COL19A1: variants seen among roughly 807,000 people sequenced by gnomAD.
COL19A1 encodes collagen type XIX alpha 1 chain, also known as collagen alpha-1(XIX) chain.
Under a neutral mutation model 190.2 loss-of-function variants are expected in COL19A1, and 159 were observed. The ratio of observed to expected loss-of-function variants is 0.84; its 90% CI spans 0.73 to 0.95. The LOEUF is 0.95. COL19A1 is among the 40% of genes least tolerant of loss of function. The pLI is 0.00. For missense variants in COL19A1, 1,418 were observed against 1,431.9 expected (o/e 0.99, Z 0.16); for synonymous variants, 509 against 458.9 (o/e 1.11, Z -1.39).
At chr6:70,103,937 G>A (rs1783794540) in intron 16 of COL19A1, among the ~76,000 whole-genome samples, 1 of 151,970 alleles carries the variant, frequency 6.6e-6, no homozygotes, top group Admixed American at 6.6e-5. Flanking sequence ...TTTTGTAGAC[G>A]AAAAAATTAA....
At chr6:70,190,718 C>T (rs1766810795) in intron 48 of COL19A1, among the ~76,000 whole-genome samples, 1 of 152,172 alleles carries the variant, frequency 6.6e-6, no homozygotes, top group African/African-American at 2.4e-5. Flanking sequence ...TCTAGCTCCT[C>T]CACTATTATC....
chr6:69,963,832 A>G (rs1159914884), intron 11 of COL19A1, among the ~76,000 whole-genome samples: 1 of 152,234 alleles, frequency 6.6e-6, no homozygotes, highest in African/African-American at 2.4e-5. Context: ...ACTGAAAGTC[A>G]TTTGATAGTG....
intron 11 of COL19A1, among the ~76,000 whole-genome samples, chr6:70,006,697 T>C (rs1368323923): frequency 1.3e-5 from 2 of 152,160 alleles, no homozygotes; most frequent in Non-Finnish European, 2.9e-5. Context: ...TGACTATATT[T>C]GTATTTTTCT....
At chr6:70,097,171 A>G (rs1783326863) in intron 15 of COL19A1, among the ~76,000 whole-genome samples, 1 of 152,150 alleles carries the variant, frequency 6.6e-6, no homozygotes, top group Non-Finnish European at 1.5e-5. Context: ...AATTTAAGAT[A>G]AATGTTCTCT....
At chr6:70,125,046 GTT>G (rs1785109884) in intron 17 of COL19A1, among the ~76,000 whole-genome samples, 1 of 152,134 alleles carries the variant, frequency 6.6e-6, no homozygotes, top group Non-Finnish European at 1.5e-5. Flanking sequence ...CACGATGCAT[GTT>G]TTCCATTGGC....
chr6:70,040,616 C>G (rs955143213), intron 14 of COL19A1, among the ~76,000 whole-genome samples: 1 of 152,020 alleles, frequency 6.6e-6, no homozygotes. Context: ...CCTTTGATAA[C>G]GTTTGAATCC....
chr6:70,200,286 C>A (rs1583155505), intron 49 of COL19A1, among the ~76,000 whole-genome samples: 2 of 152,148 alleles, frequency 1.3e-5, no homozygotes, highest in African/African-American at 4.8e-5. Flanking sequence ...GTTCTTAAAA[C>A]CCAACTTATA....
intron 11 of COL19A1, among the ~76,000 whole-genome samples, chr6:69,964,571 T>C (rs1454672519): frequency 1.2e-4 from 19 of 152,200 alleles, no homozygotes; most frequent in Non-Finnish European, 4.4e-5. Context: ...CAATAATAAA[T>C]AGATTCTCAC....
At chr6:70,129,582 C>T (rs951457043) in intron 17 of COL19A1, among the ~76,000 whole-genome samples, 2 of 152,196 alleles carry the variant, frequency 1.3e-5, no homozygotes, top group African/African-American at 2.4e-5. Flanking sequence ...CTGGCGCAGT[C>T]GCTCATGCCT....
At chr6:70,206,599 C>A (rs973668479) in intron 49 of COL19A1, among the ~76,000 whole-genome samples, 1 of 139,576 alleles carries the variant, frequency 7.2e-6, no homozygotes, top group Non-Finnish European at 1.5e-5. Context: ...AGTGCCACTG[C>A]ACTCCAGCCT....
At chr6:70,037,281 GA>G (rs1233340419) in intron 14 of COL19A1, among the ~76,000 whole-genome samples, 3 of 151,946 alleles carry the variant, frequency 2.0e-5, no homozygotes, top group African/African-American at 7.3e-5. Context: ...TCAGCCTCCT[GA>G]GTAGCTGGGA....
intron 14 of COL19A1, among the ~76,000 whole-genome samples, chr6:70,036,205 C>T (rs759973804): frequency 6.6e-6 from 1 of 152,178 alleles, no homozygotes; most frequent in Non-Finnish European, 1.5e-5. Context: ...CCATATGGCT[C>T]ATAATTTTGT....
At chr6:69,902,307 T>C (rs1770242193) in intron 4 of COL19A1, among the ~76,000 whole-genome samples, 1 of 152,242 alleles carries the variant, frequency 6.6e-6, no homozygotes, top group Non-Finnish European at 1.5e-5. Flanking sequence ...GATTCTATTT[T>C]ATATGGAAAA....
intron 34 of COL19A1, among the ~76,000 whole-genome samples, chr6:70,157,768 A>G (rs1787532036): frequency 6.6e-6 from 1 of 152,156 alleles, no homozygotes; most frequent in Admixed American, 6.6e-5. Flanking sequence ...GTACAAGCAC[A>G]ATAACTGATT....
intron 1 of COL19A1, among the ~76,000 whole-genome samples, chr6:69,872,200 A>C (rs896676883): frequency 6.6e-6 from 1 of 152,054 alleles, no homozygotes; most frequent in East Asian, 1.9e-4. Context: ...CTCAAAGAAA[A>C]CATGATGTTT....
intron 9 of COL19A1, among the ~76,000 whole-genome samples, chr6:69,948,581 A>G (rs942510153): frequency 1.1e-4 from 16 of 151,898 alleles, no homozygotes; most frequent in African/African-American, 3.6e-4. Context: ...ATCCAGGGCC[A>G]TGATAGTAAG....
chr6:69,866,680 T>A (rs1215281310), intron 1 of COL19A1, 40 bp downstream of exon 1: 8 of 152,294 alleles, frequency 5.3e-5, no homozygotes, highest in Non-Finnish European at 1.0e-4. Flanking sequence ...GCACTTGCCC[T>A]CTCACACATG....
At chr6:69,899,632 C>G (rs1250696608) in intron 3 of COL19A1, among the ~76,000 whole-genome samples, 1 of 152,110 alleles carries the variant, frequency 6.6e-6, no homozygotes, top group Admixed American at 6.5e-5. Flanking sequence ...GAAGATGTCA[C>G]CACCCAGATA....
intron 14 of COL19A1, among the ~76,000 whole-genome samples, chr6:70,066,546 A>G (rs1781219475): frequency 6.6e-6 from 1 of 152,160 alleles, no homozygotes; most frequent in Non-Finnish European, 1.5e-5. Flanking sequence ...ATGTATACAT[A>G]TGTAACAAAC....
Sources: allele counts gnomAD v4.1 joint callset (sites outside exome capture counted in the v4.1 genomes callset), GRCh38; gene constraint gnomAD v4.1.1; transcripts MANE v1.5; gene names NCBI Gene and HGNC (gene_info 2026-07-23, HGNC 2026-07-21).